CELF2: variants seen among roughly 807,000 people sequenced by gnomAD.
CELF2 encodes the protein CUG triplet repeat RNA-binding protein 2.
A neutral mutation model predicts 62.6 loss-of-function variants in CELF2; 8 were observed. The observed-to-expected ratio is 0.13, with a 90% CI of 0.07 to 0.23. The LOEUF (loss-of-function observed/expected upper bound fraction) is 0.23. Among genes scored for constraint, CELF2 ranks in the 10% least tolerant of loss-of-function variants. The pLI is 1.00. For missense variants in CELF2, 333 were observed against 671.0 expected, an observed-to-expected ratio of 0.50 and a Z score of 5.56; for synonymous variants, 258 against 250.0, an observed-to-expected ratio of 1.03 and a Z score of -0.30.
chr10:10,941,208 C>A (rs924263435), intron 2 of CELF2, among the ~76,000 whole-genome samples: 1 of 151,968 alleles, frequency 6.6e-6, no homozygotes, highest in African/African-American at 2.4e-5. Flanking sequence ...CTCTTTTTTT[C>A]TGGAGGAGTG....
At chr10:10,626,342 T>C in the CELF2 span, among the ~76,000 whole-genome samples, 184 of 152,292 alleles carry the variant, frequency 1.2e-3, no homozygotes, top group Non-Finnish European at 2.3e-3. Context: ...TTAGAATGAA[T>C]TTGTGTTAGT....
At chr10:10,782,028 T>C in the CELF2 span, among the ~76,000 whole-genome samples, 2 of 152,190 alleles carry the variant, frequency 1.3e-5, no homozygotes, top group Middle Eastern at 3.2e-3. Context: ...TGAGAGATGA[T>C]TTAAAGTATA....
At chr10:10,803,179 T>A (rs1054079277) in intron 1 of CELF2, among the ~76,000 whole-genome samples, 4 of 152,160 alleles carry the variant, frequency 2.6e-5, no homozygotes, top group African/African-American at 9.7e-5. Flanking sequence ...CTTGCTCTCT[T>A]AAACAATTTT....
At chr10:10,690,878 C>T in the CELF2 span, among the ~76,000 whole-genome samples, 297 of 152,028 alleles carry the variant, frequency 2.0e-3, 2 homozygotes, top group Non-Finnish European at 3.5e-3. Flanking sequence ...AACTCTGTCT[C>T]GAAAAAACAA....
chr10:11,194,632 C>G (rs1450058675), intron 2 of CELF2, among the ~76,000 whole-genome samples: 1 of 152,136 alleles, frequency 6.6e-6, no homozygotes, highest in Non-Finnish European at 1.5e-5. Flanking sequence ...CTCTTGCTAG[C>G]CCTCCCCATT....
chr10:10,645,667 A>C, the CELF2 span, among the ~76,000 whole-genome samples: 2 of 152,200 alleles, frequency 1.3e-5, no homozygotes, highest in Non-Finnish European at 2.9e-5. Context: ...AAAATAAAAA[A>C]TAAATTTGCT....
intron 1 of CELF2, among the ~76,000 whole-genome samples, chr10:11,146,742 A>C (rs529185825): frequency 6.6e-6 from 1 of 152,338 alleles, no homozygotes; most frequent in East Asian, 1.9e-4. Flanking sequence ...GTGAGGCCAG[A>C]GGCACCTTGA....
At chr10:10,739,168 T>A in the CELF2 span, among the ~76,000 whole-genome samples, 1 of 152,320 alleles carries the variant, frequency 6.6e-6, no homozygotes, top group South Asian at 2.1e-4. Context: ...TATGTTTATA[T>A]GTATTCATAT....
At chr10:11,127,916 T>C (rs905353178) in intron 1 of CELF2, among the ~76,000 whole-genome samples, 4 of 152,212 alleles carry the variant, frequency 2.6e-5, no homozygotes, top group African/African-American at 7.2e-5. Flanking sequence ...TTGGCTTCTG[T>C]TGCCATTGCT....
the CELF2 span, among the ~76,000 whole-genome samples, chr10:10,598,962 G>A: frequency 5.3e-5 from 8 of 151,572 alleles, no homozygotes; most frequent in Non-Finnish European, 1.0e-4. Flanking sequence ...ATGTTGGCCA[G>A]GCTGGTCTCA....
At chr10:10,684,499 T>C in the CELF2 span, among the ~76,000 whole-genome samples, 2 of 152,100 alleles carry the variant, frequency 1.3e-5, no homozygotes, top group African/African-American at 4.8e-5. Flanking sequence ...TCCCAGGACT[T>C]TGAGAGGACA....
rs183313613 is a variant in CELF2 at position 10,887,603 on chromosome 10, G to A, written c.54-32361G>A. ...TGTTCGGCTGTTGGTCTATTTTTTTGTAACCACTTTTAGAATATTATGCAC... is the reference window on the plus strand; with the variant it reads ...TGTTCGGCTGTTGGTCTATTTTTTTATAACCACTTTTAGAATATTATGCAC... On this transcript the variant is annotated intron_variant, in intron 1 of 13. Coordinates refer to the CELF2 transcript ENST00000636488. Among the ~76,000 whole-genome samples, 389 of 152,156 alleles carry A rather than the reference G, an allele frequency of 2.6e-3. 2 individuals are homozygous for A. The highest frequency in any genetic ancestry group is 8.8e-3 in the African/African-American group (365 of 41,526).
At chr10:10,892,494 G>A (rs762330773) in intron 1 of CELF2, among the ~76,000 whole-genome samples, 4 of 152,140 alleles carry the variant, frequency 2.6e-5, no homozygotes, top group Middle Eastern at 3.2e-3. Context: ...AGACTGAGCC[G>A]ACTCACAGTG....
At chr10:10,570,514 A>G in the CELF2 span, among the ~76,000 whole-genome samples, 1 of 152,172 alleles carries the variant, frequency 6.6e-6, no homozygotes, top group African/African-American at 2.4e-5. Flanking sequence ...ACCAATTTTA[A>G]AAGATTACTA....
At chr10:10,837,705 T>C (rs1186082450) in intron 1 of CELF2, among the ~76,000 whole-genome samples, 1 of 152,168 alleles carries the variant, frequency 6.6e-6, no homozygotes, top group African/African-American at 2.4e-5. Flanking sequence ...TTGGAGTCAT[T>C]TTCAAGGAAA....
At chr10:10,572,764 T>C in the CELF2 span, among the ~76,000 whole-genome samples, 43,581 of 152,074 alleles carry the variant, frequency 0.29, 6,987 homozygotes, top group African/African-American at 0.43. Context: ...TCATCGATGA[T>C]GGGCATTTGG....
intron 1 of CELF2, among the ~76,000 whole-genome samples, chr10:11,112,366 G>A (rs1391913405): frequency 2.6e-5 from 4 of 152,216 alleles, no homozygotes; most frequent in Admixed American, 2.0e-4. Flanking sequence ...TATGCAGTAC[G>A]GGAAAGGGAG....
At chr10:10,585,451 G>A in the CELF2 span, among the ~76,000 whole-genome samples, 3 of 152,090 alleles carry the variant, frequency 2.0e-5, no homozygotes, top group East Asian at 5.8e-4. Context: ...ATATGGATAG[G>A]AGAACCAGCT....
chr10:10,890,277 G>T (rs530737460), intron 1 of CELF2, among the ~76,000 whole-genome samples: 7 of 152,224 alleles, frequency 4.6e-5, no homozygotes, highest in African/African-American at 9.6e-5. Context: ...GGCATGGATC[G>T]CTCAAAGGTG....
Sources: gnomAD v4.1 joint callset for allele counts (sites outside exome capture counted in the v4.1 genomes callset) on GRCh38, gnomAD v4.1.1 for gene constraint, MANE v1.5 for transcripts, NCBI Gene and HGNC (gene_info 2026-07-23, HGNC 2026-07-21) for gene names.